Variants in FLRT1 observed in about 807,000 individuals in gnomAD.
FLRT1 encodes the protein leucine-rich repeat transmembrane protein FLRT1.
Under a neutral mutation model 30.9 loss-of-function variants are expected in FLRT1, and 14 were observed. The observed-to-expected ratio is 0.45, with a 90% CI of 0.30 to 0.71. The LOEUF is 0.71. Among genes scored for constraint, FLRT1 ranks in the 30% least tolerant of loss-of-function variants. The probability of loss-of-function intolerance (pLI) is 0.08; values close to 1 mark genes in which losing one functional copy is unlikely to be tolerated. For synonymous variants in FLRT1, 368 were observed against 430.4 expected, an observed-to-expected ratio of 0.85 and a Z score of 1.80; for missense variants, 737 against 949.2, an observed-to-expected ratio of 0.78 and a Z score of 2.94.
intron 1 of FLRT1, among the ~76,000 whole-genome samples, chr11:64,055,656 T>C (rs367910628): frequency 3.3e-5 from 5 of 152,310 alleles, no homozygotes; most frequent in African/African-American, 1.2e-4. Flanking sequence ...GCCTGCATGT[T>C]AGACCAGGAA....
In FLRT1 at chr11:64,086,002, G is replaced by C. The variant is rs1406517213; in HGVS notation, c.-1037-17192G>C. Among the ~76,000 whole-genome samples the C allele has an allele frequency of 3.5e-5, 5 of 143,228 alleles. No individual in the cohort carries two copies. In the South Asian group the frequency reaches 7.0e-4, roughly 20 times the overall value. 94.0% of individuals were successfully genotyped at this position (143,228 alleles called of 152,430 possible). ...TAGTGGGCTTGCAGCCTCAAAGGAG[G>C]CTCAGGGAGGGAGGGTGGGGGTGGA... is the stretch of plus-strand genomic sequence containing the variant. On this transcript the variant is annotated intron_variant, in intron 1 of 2. Coordinates refer to ENST00000682287, the MANE Select transcript of FLRT1 (RefSeq NM_013280.5).
intron 1 of FLRT1, among the ~76,000 whole-genome samples, chr11:64,039,727 CCCCCAGAGCACTG>C (rs1943449980): frequency 1.3e-5 from 2 of 152,212 alleles, no homozygotes; most frequent in Non-Finnish European, 2.9e-5. Flanking sequence ...TCGCTCGAGG[CCCCCAGAGCACTG>C]CCGCTCCCCG....
chr11:64,104,485 CCCTGCAG>C (rs1159772698), intron 2 of FLRT1, among the ~76,000 whole-genome samples: 1 of 152,108 alleles, frequency 6.6e-6, no homozygotes, highest in Non-Finnish European at 1.5e-5. Context: ...GAGTAAATGG[CCCTGCAG>C]CAGGGTGGAG....
At chr11:64,110,583 C>T (rs541391221) in intron 2 of FLRT1, among the ~76,000 whole-genome samples, 1 of 152,146 alleles carries the variant, frequency 6.6e-6, no homozygotes, top group Admixed American at 6.5e-5. Context: ...GAATAATGCC[C>T]CAGGGCCCCC....
At chr11:64,041,104 G>A (rs1943475684) in intron 1 of FLRT1, among the ~76,000 whole-genome samples, 1 of 148,762 alleles carries the variant, frequency 6.7e-6, no homozygotes, top group South Asian at 2.1e-4. Context: ...TCACTCTCCA[G>A]AGGCAGCTCT....
intron 1 of FLRT1, among the ~76,000 whole-genome samples, chr11:64,071,396 AT>A (rs1487744565): frequency 6.6e-6 from 1 of 152,114 alleles, no homozygotes; most frequent in African/African-American, 2.4e-5. Context: ...GAATGAATGA[AT>A]GAAACTCACG....
rs938762117 is a variant in FLRT1, at chr11:64,116,774, G to A, written c.507G>A (p.Glu169=). 1.9e-6 allele frequency: 3 copies of A among 1,613,616 alleles called. No homozygotes were observed. Among genetic ancestry groups the A allele is most frequent in the Non-Finnish European group, 1.7e-6 (2 of 1,180,032 alleles). Residue 169 remains glutamate (E), a synonymous_variant, in exon 3 of 3, where the codon GAG becomes GAA. Coordinates refer to ENST00000682287, the MANE Select transcript of FLRT1 (RefSeq NM_013280.5). The part of the protein sequence containing the change: ...DDNSVSTVSI[E]EDAFADSKQL... Reference sequence around the variant, plus strand: ...ACTCCGTGTCCACCGTCAGCATTGAGGAGGACGCCTTCGCCGACAGCAAAC... The same window carrying A: ...ACTCCGTGTCCACCGTCAGCATTGAAGAGGACGCCTTCGCCGACAGCAAAC...
intron 1 of FLRT1, among the ~76,000 whole-genome samples, chr11:64,101,740 TA>T (rs528385162): frequency 1.7e-3 from 260 of 152,348 alleles, no homozygotes; most frequent in Non-Finnish European, 2.9e-3. Flanking sequence ...CCCTCCTGCG[TA>T]AGCCCCACCG....
chr11:64,050,712 G>T (rs961195630), intron 1 of FLRT1, among the ~76,000 whole-genome samples: 2 of 152,198 alleles, frequency 1.3e-5, no homozygotes, highest in African/African-American at 4.8e-5. Flanking sequence ...TCTGCTTCCC[G>T]GGTTCAAGCG....
In FLRT1 at chr11:64,042,142, C is replaced by G. The variant is rs188722672; in HGVS notation, c.-1038+5983C>G. 1.2e-4 allele frequency among the ~76,000 whole-genome samples: 18 copies of G among 152,294 alleles called. No individual in the cohort carries two copies. The East Asian group carries it at 3.5e-3, about 29-fold the overall frequency. On this transcript the variant is annotated intron_variant, in intron 1 of 2. Transcript: ENST00000682287. ...GAGGGGGAGACAGATGTGCACCACG[C>G]TCACACCTCTGGTGGGCACACATGC... is the stretch of plus-strand genomic sequence containing the variant.
intron 1 of FLRT1, among the ~76,000 whole-genome samples, chr11:64,101,018 A>G (rs1432054451): frequency 6.6e-6 from 1 of 152,172 alleles, no homozygotes; most frequent in Non-Finnish European, 1.5e-5. Flanking sequence ...GCACTGAGCC[A>G]GGTGCTGGGG....
intron 1 of FLRT1, among the ~76,000 whole-genome samples, chr11:64,054,955 A>T (rs929944824): frequency 6.6e-6 from 1 of 151,960 alleles, no homozygotes; most frequent in African/African-American, 2.4e-5. Context: ...ATTTCTCAGG[A>T]TGGCTCAGGA....
At chr11:64,052,600 A>G (rs1943714698) in intron 1 of FLRT1, among the ~76,000 whole-genome samples, 2 of 152,202 alleles carry the variant, frequency 1.3e-5, no homozygotes, top group African/African-American at 4.8e-5. Flanking sequence ...TGGCTAATCA[A>G]TCCCAGCCCT....
intron 2 of FLRT1, among the ~76,000 whole-genome samples, chr11:64,115,651 C>T (rs1300377320): frequency 2.0e-5 from 3 of 152,240 alleles, no homozygotes; most frequent in South Asian, 4.1e-4. Flanking sequence ...GCTTCGTTCC[C>T]GCAGGTTCTG....
intron 1 of FLRT1, among the ~76,000 whole-genome samples, chr11:64,093,083 C>A (rs546120495): frequency 7.2e-5 from 11 of 152,148 alleles, no homozygotes; most frequent in Admixed American, 3.9e-4. Flanking sequence ...CTGGAGCAGA[C>A]CCCCTGTGGG....
chr11:64,088,020 G>A (rs918361104), intron 1 of FLRT1, among the ~76,000 whole-genome samples: 5 of 152,196 alleles, frequency 3.3e-5, no homozygotes, highest in African/African-American at 9.7e-5. Context: ...GAAACACCCC[G>A]GTGGTGGAGG....
chr11:64,080,644 G>A (rs532405901), intron 1 of FLRT1, among the ~76,000 whole-genome samples: 2 of 152,298 alleles, frequency 1.3e-5, no homozygotes, highest in African/African-American at 4.8e-5. Context: ...TTACGTTTAT[G>A]AGCCTCCCCT....
chr11:64,046,039 T>A (rs1414585280), intron 1 of FLRT1, among the ~76,000 whole-genome samples: 1 of 152,216 alleles, frequency 6.6e-6, no homozygotes, highest in Non-Finnish European at 1.5e-5. Context: ...AAGTGGGCAG[T>A]GATACTGTTA....
At chr11:64,092,924 A>T (rs896892907) in intron 1 of FLRT1, among the ~76,000 whole-genome samples, 38 of 152,194 alleles carry the variant, frequency 2.5e-4, no homozygotes, top group African/African-American at 9.2e-4. Flanking sequence ...GACTTCTCAG[A>T]TCCTTTAATA....
Sources: gnomAD v4.1 joint callset for allele counts (sites outside exome capture counted in the v4.1 genomes callset) on GRCh38, gnomAD v4.1.1 for gene constraint, MANE v1.5 for transcripts, NCBI Gene and HGNC (gene_info 2026-07-23, HGNC 2026-07-21) for gene names.